The following PIH1D2 variants were observed in gnomAD, a reference collection of about 807,000 sequenced individuals.
PIH1D2 encodes PIH1 domain containing 2, also known as PIH1 domain-containing protein 2.
Under a neutral mutation model 31.2 loss-of-function variants are expected in PIH1D2, and 25 were observed. The ratio of observed to expected loss-of-function variants is 0.80; its 90% CI spans 0.58 to 1.12. The LOEUF (loss-of-function observed/expected upper bound fraction) is 1.12. Among genes scored for constraint, PIH1D2 ranks in the 50% most tolerant of loss-of-function variants. The pLI is 0.00. For synonymous variants in PIH1D2, 116 were observed against 119.9 expected (o/e 0.97, Z 0.21); for missense variants, 310 against 356.6 (o/e 0.87, Z 1.05).
In PIH1D2 at chr11:112,070,526, A is replaced by G. The variant is rs2135213676; in HGVS notation, c.723T>C (p.His241=). 1 of 1,614,156 alleles carries G rather than the reference A, an allele frequency of 6.2e-7. No homozygotes were observed. Among genetic ancestry groups the G allele is most frequent in the East Asian group, 2.2e-5 (1 of 44,876 alleles). The change falls in exon 5 of 6, where the codon CAT becomes CAC. Residue 241 remains histidine, a synonymous_variant. Transcript: ENST00000280350. ...TTTTCAGAGGTTTCTCACTGTGATC[A>G]TGCACAATTTTTAGTTCATAGGCTG... The part of the protein sequence containing the change: ...KMPAYELKIV[H]DHSEKPLKIE...
At chr11:112,063,425 A>G (rs1555183516), downstream of PIH1D2, 1 of 152,618 alleles carries the variant, frequency 6.6e-6, no homozygotes, top group East Asian at 1.9e-4. Flanking sequence ...TAACTAAGGA[A>G]TATATATGGA....
intron 2 of PIH1D2, among the ~76,000 whole-genome samples, chr11:112,072,231 C>T (rs1180560916): frequency 1.3e-5 from 2 of 152,082 alleles, no homozygotes; most frequent in Non-Finnish European, 2.9e-5. Context: ...TATTTGATTT[C>T]CCCAAGGCTG....
At chr11:112,055,235 A>ATT in the PIH1D2 span, among the ~76,000 whole-genome samples, 2,149 of 75,472 alleles carry the variant, frequency 0.028, 353 homozygotes, top group Non-Finnish European at 0.034. Flanking sequence ...GTCAAGGCCT[A>ATT]TTTTTTTTTT....
At chr11:112,071,350 T>C in intron 3 of PIH1D2, 67 bp from the exon 4 acceptor site, 1 of 1,490,002 alleles carries the variant, frequency 6.7e-7, no homozygotes, top group Non-Finnish European at 9.1e-7. Context: ...TGTCAGGCAA[T>C]ATATTAAACC....
downstream of PIH1D2, chr11:112,061,412 C>T: frequency 2.0e-6 from 1 of 500,302 alleles, no homozygotes; most frequent in Non-Finnish European, 3.6e-6. Context: ...TCACATGGAT[C>T]CAGTGTAGTG....
intron 2 of PIH1D2, among the ~76,000 whole-genome samples, chr11:112,072,549 CAAAAA>C (rs148760956): frequency 1.8e-3 from 67 of 36,344 alleles, no homozygotes; most frequent in African/African-American, 7.1e-3. Flanking sequence ...GACCCTATCT[CAAAAA>C]AAAAAAAAAA....
At position 112,070,467 on chromosome 11, in the gene PIH1D2, G is replaced by T. The variant is rs1555184384; in HGVS notation, c.782C>A (p.Ser261Tyr). 6.2e-7 allele frequency: 1 copy of T among 1,613,926 alleles called. No homozygotes were observed. Among genetic ancestry groups the T allele is most frequent in the East Asian group, 2.2e-5 (1 of 44,892 alleles). ...AACACTAAGGTCACAGAGAGAGACA[G>T]AATTAATACCAGGTAATTCAACTTT... ...ELKVELPGIN[S>Y]VSLCDLSVSE... Residue 261 changes from serine to tyrosine, a missense_variant, in exon 5 of 6, where the codon TCT becomes TAT. Coordinates refer to ENST00000280350, the MANE Select transcript of PIH1D2 (RefSeq NM_138789.4).
At chr11:112,070,002 A>C (rs1865058405) in intron 5 of PIH1D2, 1 of 195,982 alleles carries the variant, frequency 5.1e-6, no homozygotes, top group African/African-American at 2.3e-5. Flanking sequence ...TTCCTTCCAG[A>C]AAGAAGCAAA....
downstream of PIH1D2, chr11:112,062,756 C>A: frequency 1.2e-5 from 6 of 519,452 alleles, no homozygotes; most frequent in South Asian, 1.2e-4. Flanking sequence ...ATTTTTAGCT[C>A]TGTACTCCTA....
chr11:112,055,798 A>AT, the PIH1D2 span, among the ~76,000 whole-genome samples: 666 of 128,552 alleles, frequency 5.2e-3, 4 homozygotes, highest in African/African-American at 0.012. Context: ...AGAGGCAGGA[A>AT]TTTTTTTTTT....
chr11:112,064,222 C>A, downstream of PIH1D2: 1 of 1,556,374 alleles, frequency 6.4e-7, no homozygotes, highest in East Asian at 2.3e-5. Flanking sequence ...CTGTTGTTCC[C>A]TTGAAAAAAA....
At chr11:112,072,788 C>T (rs1438267295) in intron 2 of PIH1D2, 8 of 440,320 alleles carry the variant, frequency 1.8e-5, no homozygotes, top group African/African-American at 6.0e-5. Flanking sequence ...CGCTTAAACC[C>T]GGGAGGCAGA....
At position 112,071,152 on chromosome 11, in the gene PIH1D2, A is replaced by G. The variant is rs151122437; in HGVS notation, c.433T>C (p.Ser145Pro). 9 of 1,613,824 alleles carry G rather than the reference A, an allele frequency of 5.6e-6. No individual in the cohort carries two copies. In the African/African-American group the frequency reaches 9.3e-5, roughly 17 times the overall value. Residue 145 changes from serine (S) to proline (P), a missense_variant, in exon 4 of 6, where the codon TCA (serine) becomes CCA (proline). Physicochemically the swap from Ser to Pro is moderately conservative, Grantham distance 74. Coordinates refer to ENST00000280350, the MANE Select transcript of PIH1D2 (RefSeq NM_138789.4). ...AATTTGGTAATATGGTAAGAGTGTG[A>G]GAGGGTGAACTGGAATTTCTCCTCA... ...CIEEKFQFTL[S>P]HSYHITKFRI...
intron 1 of PIH1D2, 32 bp from the exon 2 acceptor site, chr11:112,073,237 T>C (rs1865204148): frequency 7.1e-7 from 1 of 1,416,062 alleles, no homozygotes; most frequent in Non-Finnish European, 9.7e-7. Flanking sequence ...GGAAGAAAAC[T>C]GTCTGTGTAA....
intron 1 of PIH1D2, among the ~76,000 whole-genome samples, 188 bp from the exon 2 acceptor site, chr11:112,073,393 A>G (rs2135230697): frequency 6.6e-6 from 1 of 152,160 alleles, no homozygotes; most frequent in South Asian, 2.1e-4. Flanking sequence ...CTCTTCCTAA[A>G]TTCTCACATT....
chr11:112,055,937 C>T, the PIH1D2 span, among the ~76,000 whole-genome samples: 4 of 129,044 alleles, frequency 3.1e-5, no homozygotes, highest in Non-Finnish European at 4.7e-5. Context: ...GTGCTATCTC[C>T]GCTCATTGCA....
chr11:112,073,716 G>A (rs185441622), intron 1 of PIH1D2, among the ~76,000 whole-genome samples: 33 of 152,250 alleles, frequency 2.2e-4, no homozygotes, highest in Admixed American at 1.6e-3. Context: ...TCTACCATAG[G>A]ATTATTGCGA....
chr11:112,052,734 T>G, the PIH1D2 span, among the ~76,000 whole-genome samples: 1 of 152,038 alleles, frequency 6.6e-6, no homozygotes, highest in Admixed American at 6.5e-5. Context: ...TAGAGTTTGA[T>G]CTCCAGGATC....
chr11:112,064,957 C>T (rs1237863868), downstream of PIH1D2, among the ~76,000 whole-genome samples: 1 of 151,456 alleles, frequency 6.6e-6, no homozygotes, highest in African/African-American at 2.4e-5. Context: ...TCTCCTGCCT[C>T]AGTCTCCTGA....
Sources: allele counts gnomAD v4.1 joint callset (sites outside exome capture counted in the v4.1 genomes callset), GRCh38; gene constraint gnomAD v4.1.1; transcripts MANE v1.5; gene names NCBI Gene and HGNC (gene_info 2026-07-23, HGNC 2026-07-21).